The following TTC29 variants were observed in gnomAD, a reference collection of about 807,000 sequenced individuals.
TTC29 encodes tetratricopeptide repeat domain 29.
TTC29 carries 49 observed loss-of-function variants against 58.1 expected under a neutral mutation model. The observed-to-expected ratio is 0.84, with a 90% CI of 0.67 to 1.07. TTC29 has a LOEUF of 1.07. Among genes scored for constraint, TTC29 ranks in the 50% least tolerant of loss-of-function variants. The pLI, the probability that TTC29 is intolerant of heterozygous loss-of-function variation, is 0.00. For synonymous variants in TTC29, 209 were observed against 196.8 expected (o/e 1.06, Z -0.52); for missense variants, 582 against 555.6 (o/e 1.05, Z -0.48).
At chr4:146,741,183 C>T (rs1463840543) in intron 11 of TTC29, among the ~76,000 whole-genome samples, 5 of 152,084 alleles carry the variant, frequency 3.3e-5, no homozygotes, top group East Asian at 3.8e-4. Context: ...ACACATGATA[C>T]GTAAGTAATA....
intron 4 of TTC29, among the ~76,000 whole-genome samples, chr4:146,916,470 T>C (rs543466652): frequency 1.3e-5 from 2 of 151,848 alleles, no homozygotes; most frequent in East Asian, 3.9e-4. Context: ...TTATTAGTCA[T>C]AGTATTGATT....
At chr4:146,811,769 A>T (rs1440951222) in intron 10 of TTC29, among the ~76,000 whole-genome samples, 1 of 152,376 alleles carries the variant, frequency 6.6e-6, no homozygotes, top group East Asian at 1.9e-4. Context: ...GACTGAATAA[A>T]GAAATTTCTG....
chr4:146,746,407 C>T (rs1745552134), intron 11 of TTC29, among the ~76,000 whole-genome samples: 1 of 152,028 alleles, frequency 6.6e-6, no homozygotes. Context: ...GATTTTCCAA[C>T]CAGGTCAACA....
At chr4:146,917,241 C>T (rs1360585002) in intron 4 of TTC29, among the ~76,000 whole-genome samples, 1 of 150,312 alleles carries the variant, frequency 6.7e-6, no homozygotes, top group Admixed American at 6.6e-5. Flanking sequence ...TTAAAATGAA[C>T]ATTGTTATTA....
At chr4:146,757,088 G>T (rs1313928341) in intron 11 of TTC29, among the ~76,000 whole-genome samples, 2 of 152,016 alleles carry the variant, frequency 1.3e-5, no homozygotes, top group East Asian at 3.9e-4. Context: ...GTGCAATTTT[G>T]GGGGGTGTTG....
intron 4 of TTC29, among the ~76,000 whole-genome samples, chr4:146,935,732 A>G (rs1415356206): frequency 6.6e-6 from 1 of 152,188 alleles, no homozygotes; most frequent in East Asian, 1.9e-4. Flanking sequence ...ACAATAAAAT[A>G]TCATTGTCTC....
chr4:146,782,275 A>G (rs1006057937), intron 11 of TTC29, among the ~76,000 whole-genome samples: 6 of 151,728 alleles, frequency 4.0e-5, no homozygotes, highest in African/African-American at 1.4e-4. Flanking sequence ...CTTTGTGCAG[A>G]AAGTAGCTAC....
chr4:146,786,447 C>A (rs570560400), intron 11 of TTC29, among the ~76,000 whole-genome samples: 3 of 152,154 alleles, frequency 2.0e-5, no homozygotes, highest in Non-Finnish European at 2.9e-5. Flanking sequence ...TTTATGCACA[C>A]GGATGAAATC....
chr4:146,779,385 A>C (rs2150085163), intron 11 of TTC29, among the ~76,000 whole-genome samples: 1 of 152,262 alleles, frequency 6.6e-6, no homozygotes, highest in South Asian at 2.1e-4. Flanking sequence ...TAAGTGCATA[A>C]AAAATAGGAG....
intron 11 of TTC29, among the ~76,000 whole-genome samples, chr4:146,766,174 C>A (rs1747306075): frequency 6.6e-6 from 1 of 151,960 alleles, no homozygotes; most frequent in South Asian, 2.1e-4. Flanking sequence ...TGGGTGTTTG[C>A]ATTTAAAACT....
chr4:146,942,441 T>C (rs941422390), intron 2 of TTC29: 3 of 460,456 alleles, frequency 6.5e-6, no homozygotes, highest in East Asian at 3.1e-5. Flanking sequence ...TCTGATTAGA[T>C]GTTATATTAA....
At chr4:146,931,536 T>A (rs1283417876) in intron 4 of TTC29, among the ~76,000 whole-genome samples, 1 of 152,198 alleles carries the variant, frequency 6.6e-6, no homozygotes, top group Non-Finnish European at 1.5e-5. Context: ...AAAGCAAAGA[T>A]TGGAGAAAGC....
At chr4:146,712,245 T>C (rs551846394) in intron 11 of TTC29, among the ~76,000 whole-genome samples, 1 of 152,300 alleles carries the variant, frequency 6.6e-6, no homozygotes, top group African/African-American at 2.4e-5. Flanking sequence ...TGAGAGCTCA[T>C]CTTTGAAAAA....
At chr4:146,817,108 AG>A (rs1189020750) in intron 10 of TTC29, among the ~76,000 whole-genome samples, 2 of 152,236 alleles carry the variant, frequency 1.3e-5, no homozygotes, top group African/African-American at 4.8e-5. Flanking sequence ...AAGGAAATAA[AG>A]GGTATTCAAT....
At chr4:146,732,892 T>G (rs899425186) in intron 11 of TTC29, among the ~76,000 whole-genome samples, 2 of 152,140 alleles carry the variant, frequency 1.3e-5, no homozygotes, top group African/African-American at 2.4e-5. Flanking sequence ...AGACCACCTG[T>G]CATAACTTTA....
At position 146,903,705 on chromosome 4, in the gene TTC29, T is replaced by A; in HGVS notation, c.425A>T (p.Asn142Ile). 1 of 1,604,174 alleles carries A rather than the reference T, an allele frequency of 6.2e-7. No individual in the cohort carries two copies. The highest frequency in any genetic ancestry group is 1.1e-5 in the South Asian group (1 of 89,012). ...RKESFEDVHN[N>I]LYALACYFNN... ...GAAGTAACAGGCCAGAGCATACAAG[T>A]TATTATGTACATCTTCGAAGGATTC... Residue 142 changes from asparagine to isoleucine, a missense_variant, in exon 6 of 13, where the codon AAC becomes ATC. Transcript: ENST00000325106.
At chr4:146,827,007 T>C (rs775281837) in intron 9 of TTC29, among the ~76,000 whole-genome samples, 3 of 152,050 alleles carry the variant, frequency 2.0e-5, no homozygotes, top group Non-Finnish European at 4.4e-5. Flanking sequence ...CCTCTAACCT[T>C]TTATCGAGGT....
At chr4:146,726,840 C>G (rs1743820896) in intron 11 of TTC29, among the ~76,000 whole-genome samples, 1 of 151,808 alleles carries the variant, frequency 6.6e-6, no homozygotes, top group Non-Finnish European at 1.5e-5. Context: ...ATAATAGGCC[C>G]TAAGAATTCT....
chr4:146,785,107 G>A (rs1479989657), intron 11 of TTC29, among the ~76,000 whole-genome samples: 2 of 151,976 alleles, frequency 1.3e-5, no homozygotes, highest in East Asian at 3.9e-4. Context: ...GTCTCTGTGT[G>A]TGTGTGTGTA....
Sources: gnomAD v4.1 joint callset for allele counts (sites outside exome capture counted in the v4.1 genomes callset) on GRCh38, gnomAD v4.1.1 for gene constraint, MANE v1.5 for transcripts, NCBI Gene and HGNC (gene_info 2026-07-23, HGNC 2026-07-21) for gene names.